Variants in SPIDR observed in about 807,000 individuals in gnomAD.
SPIDR encodes DNA repair-scaffolding protein.
In SPIDR, 93 loss-of-function variants were observed where a neutral mutation model predicts 104.6. That is an observed-to-expected ratio of 0.89 (90% CI 0.75 to 1.06). The LOEUF (loss-of-function observed/expected upper bound fraction) is 1.06. Ranked by LOEUF, SPIDR falls within the 50% of genes least tolerant of loss-of-function variation. The pLI is 0.00. For missense variants in SPIDR, 1,154 were observed against 1,111.2 expected (o/e 1.04, Z -0.55); for synonymous variants, 431 against 416.9 (o/e 1.03, Z -0.41).
intron 8 of SPIDR, among the ~76,000 whole-genome samples, chr8:47,460,071 G>C (rs1216699814): frequency 6.6e-6 from 1 of 152,080 alleles, no homozygotes; most frequent in African/African-American, 2.4e-5. Flanking sequence ...GTCTATCTTG[G>C]AGAAAGTTCC....
intron 10 of SPIDR, among the ~76,000 whole-genome samples, chr8:47,665,108 T>G (rs111536528): frequency 6.6e-6 from 1 of 152,158 alleles, no homozygotes; most frequent in African/African-American, 2.4e-5. Context: ...AAGTTAAAAT[T>G]TGTAACATAT....
intron 8 of SPIDR, among the ~76,000 whole-genome samples, chr8:47,475,904 A>G (rs543387837): frequency 1.5e-4 from 23 of 152,156 alleles, no homozygotes; most frequent in East Asian, 5.8e-4. Context: ...AGAAAAGTCT[A>G]TTTTTTTGGT....
intron 1 of SPIDR, among the ~76,000 whole-genome samples, chr8:47,266,189 G>A (rs1266464387): frequency 6.9e-6 from 1 of 144,702 alleles, no homozygotes; most frequent in Admixed American, 7.1e-5. Context: ...GAGTGCAATA[G>A]CGCGATCTCG....
At chr8:47,440,618 C>CAAAAATGTAACTG in intron 8 of SPIDR, 76 bp downstream of exon 8, 2 of 1,449,962 alleles carry the variant, frequency 1.4e-6, no homozygotes, top group Non-Finnish European at 1.9e-6. Context: ...TTATCAGTTA[C>CAAAAATGTAACTG]ATTTTTGTCA....
intron 2 of SPIDR, among the ~76,000 whole-genome samples, chr8:47,283,818 C>G (rs1043196518): frequency 1.3e-5 from 2 of 152,038 alleles, no homozygotes; most frequent in Non-Finnish European, 2.9e-5. Flanking sequence ...ACGTTTTGGT[C>G]AGTCAGATCT....
chr8:47,478,953 A>G (rs2076576920), intron 8 of SPIDR, among the ~76,000 whole-genome samples: 1 of 152,200 alleles, frequency 6.6e-6, no homozygotes, highest in South Asian at 2.1e-4. Context: ...GCTTGTTGTA[A>G]TAATACATGA....
At chr8:47,412,905 T>C (rs1027788510) in intron 7 of SPIDR, among the ~76,000 whole-genome samples, 6 of 152,244 alleles carry the variant, frequency 3.9e-5, no homozygotes, top group Non-Finnish European at 7.3e-5. Flanking sequence ...CATTATAAAC[T>C]TCTTTTGTTC....
At chr8:47,419,460 T>G in intron 7 of SPIDR, among the ~76,000 whole-genome samples, 1 of 152,346 alleles carries the variant, frequency 6.6e-6, no homozygotes, top group South Asian at 2.1e-4. Context: ...GGATCGGTGG[T>G]GATATCCCCT....
intron 7 of SPIDR, among the ~76,000 whole-genome samples, chr8:47,430,297 CT>C (rs1418258401): frequency 5.9e-5 from 9 of 152,158 alleles, no homozygotes; most frequent in Non-Finnish European, 1.3e-4. Flanking sequence ...CAAACACCTC[CT>C]TGTATCTAGG....
At chr8:47,306,191 G>T (rs2043064664) in intron 5 of SPIDR, among the ~76,000 whole-genome samples, 1 of 152,032 alleles carries the variant, frequency 6.6e-6, no homozygotes. Context: ...GGCCAGGCTG[G>T]AGTGCAGTGG....
At chr8:47,553,283 T>C (rs1184978681) in intron 8 of SPIDR, among the ~76,000 whole-genome samples, 2 of 152,194 alleles carry the variant, frequency 1.3e-5, no homozygotes, top group African/African-American at 4.8e-5. Flanking sequence ...GCATTCTCTG[T>C]ATTTCCTGAA....
intron 8 of SPIDR, among the ~76,000 whole-genome samples, chr8:47,510,031 GTAT>G (rs1407465569): frequency 6.6e-6 from 1 of 152,132 alleles, no homozygotes; most frequent in Non-Finnish European, 1.5e-5. Flanking sequence ...AAAACAGCAT[GTAT>G]TATTAAGAAA....
At position 47,440,315 on chromosome 8, in the gene SPIDR, A is replaced by T; in HGVS notation, c.878-8A>T. The stretch of plus-strand genomic sequence containing the variant: ...CATTTTTGCTTTGTTCTTTTCTTCA[A>T]CTTCTAGGTAGAAAATCTGGTGTAT... On this transcript the variant is annotated splice_region_variant and splice_polypyrimidine_tract_variant and intron_variant, in intron 7 of 19. Coordinates refer to ENST00000297423, the MANE Select transcript of SPIDR (RefSeq NM_001080394.4). 1.9e-6 allele frequency: 3 copies of T among 1,612,132 alleles called. No individual in the cohort carries two copies. The highest frequency in any genetic ancestry group is 2.5e-6 in the Non-Finnish European group (3 of 1,178,372).
At chr8:47,623,366 G>A (rs1340695981) in intron 10 of SPIDR, among the ~76,000 whole-genome samples, 2 of 152,166 alleles carry the variant, frequency 1.3e-5, no homozygotes, top group Admixed American at 6.5e-5. Context: ...ATAATGAAAG[G>A]ATCAAATTCA....
At chr8:47,718,002 T>C (rs973026053) in intron 16 of SPIDR, among the ~76,000 whole-genome samples, 5 of 152,222 alleles carry the variant, frequency 3.3e-5, no homozygotes, top group Admixed American at 2.6e-4. Flanking sequence ...GGCACCCTCC[T>C]TAATCAAAAA....
At chr8:47,420,772 T>G (rs1008713792) in intron 7 of SPIDR, among the ~76,000 whole-genome samples, 2 of 152,238 alleles carry the variant, frequency 1.3e-5, no homozygotes, top group Admixed American at 6.5e-5. Flanking sequence ...CTTTTCATGT[T>G]TAGTGCTTCC....
At chr8:47,321,218 C>G (rs558949271) in intron 5 of SPIDR, among the ~76,000 whole-genome samples, 499 of 152,262 alleles carry the variant, frequency 3.3e-3, no homozygotes, top group Non-Finnish European at 5.5e-3. Context: ...CCAAAATCTC[C>G]TTAAGCTGAT....
intron 5 of SPIDR, among the ~76,000 whole-genome samples, chr8:47,356,049 A>G (rs187752731): frequency 9.0e-4 from 137 of 152,240 alleles, no homozygotes; most frequent in Middle Eastern, 3.4e-3. Flanking sequence ...ATCATGAATG[A>G]GTGAGTGAAT....
intron 8 of SPIDR, among the ~76,000 whole-genome samples, chr8:47,582,218 C>G (rs2059779070): frequency 5.1e-5 from 1 of 19,794 alleles, no homozygotes; most frequent in African/African-American, 2.7e-4. Context: ...GGGACTCCAT[C>G]TCAAAAAAAA....
Sources: allele counts gnomAD v4.1 joint callset (sites outside exome capture counted in the v4.1 genomes callset), GRCh38; gene constraint gnomAD v4.1.1; transcripts MANE v1.5; gene names NCBI Gene and HGNC (gene_info 2026-07-23, HGNC 2026-07-21).